Variants in ZMYM2 observed in about 807,000 individuals in gnomAD.
ZMYM2 encodes zinc finger MYM-type protein 2.
In ZMYM2, 56 loss-of-function variants were observed where a neutral mutation model predicts 162.8. The observed-to-expected ratio is 0.34, with a 90% CI of 0.28 to 0.43. The LOEUF is 0.43. ZMYM2 is among the 20% of genes least tolerant of loss of function. The probability of loss-of-function intolerance (pLI) is 1.00; values close to 1 mark genes in which losing one functional copy is unlikely to be tolerated. For missense variants in ZMYM2, 1,275 were observed against 1,621.8 expected, an observed-to-expected ratio of 0.79 and a Z score of 3.67; for synonymous variants, 510 against 541.6, an observed-to-expected ratio of 0.94 and a Z score of 0.81.
the ZMYM2 span, among the ~76,000 whole-genome samples, chr13:19,885,800 T>C: frequency 0.014 from 2,056 of 147,288 alleles, 52 homozygotes; most frequent in African/African-American, 0.05. Flanking sequence ...TGAGAAGAGA[T>C]AGCAATACTG....
chr13:20,011,158 A>G (rs1228606776), intron 6 of ZMYM2, among the ~76,000 whole-genome samples: 1 of 152,206 alleles, frequency 6.6e-6, no homozygotes, highest in Admixed American at 6.5e-5. Context: ...CTATAGTGCT[A>G]TGGAACAATA....
the ZMYM2 span, among the ~76,000 whole-genome samples, chr13:19,889,034 C>T: frequency 1.3e-5 from 2 of 151,916 alleles, no homozygotes; most frequent in East Asian, 1.9e-4. Context: ...ATAGGGCATC[C>T]TACTTTCTGA....
chr13:19,959,054 C>T (rs1322773285), intron 1 of ZMYM2, among the ~76,000 whole-genome samples: 1 of 151,746 alleles, frequency 6.6e-6, no homozygotes. Flanking sequence ...TCGGGGGCAG[C>T]TCGGGGCTGC....
Position 20,012,239 on chromosome 13 carries a change from G to A in ZMYM2, c.1512+5653G>A, listed in dbSNP as rs77805932. ...AGCCCAGGCTGGAGTGCGGTAGTGC[G>A]ATCTCAGCTCACTGCAGCCTCCGCC... On this transcript the variant is annotated intron_variant, in intron 6 of 24. Coordinates refer to ENST00000610343, the MANE Select transcript of ZMYM2 (RefSeq NM_197968.4). Among the ~76,000 whole-genome samples, 797 of 152,062 alleles carry A rather than the reference G, an allele frequency of 5.2e-3. 2 individuals carry two copies. The highest frequency in any genetic ancestry group is 7.8e-3 in the Non-Finnish European group (533 of 67,968).
chr13:20,008,880 G>A (rs1376083229), intron 6 of ZMYM2, among the ~76,000 whole-genome samples: 4 of 151,748 alleles, frequency 2.6e-5, no homozygotes, highest in African/African-American at 9.7e-5. Context: ...CCTGGAAAAA[G>A]AAAAATAAAC....
At chr13:19,950,532 C>CA in the ZMYM2 span, among the ~76,000 whole-genome samples, 1 of 152,174 alleles carries the variant, frequency 6.6e-6, no homozygotes, top group Non-Finnish European at 1.5e-5. Flanking sequence ...TCAAATAAGG[C>CA]AAACGCTAAG....
rs770374428 is a variant in ZMYM2, at chr13:20,059,528, A to G, written c.2705A>G (p.Gln902Arg). Residue 902 changes from glutamine to arginine, a missense_variant, in exon 16 of 25, where the codon CAG (glutamine) becomes CGG (arginine). This residue lies in a region of ZMYM2 where 5 missense variants were observed against 31.9 expected (regional missense o/e 0.16). Coordinates refer to ENST00000610343, the MANE Select transcript of ZMYM2 (RefSeq NM_197968.4). ...CCAGTTCCTATGCACATGTACAGTCAGAATATTCCTGTTCCTACTACAGTT... is the reference window on the plus strand; with the variant it reads ...CCAGTTCCTATGCACATGTACAGTCGGAATATTCCTGTTCCTACTACAGTT... ...YIPVPMHMYS[Q>R]NIPVPTTVPV... The G allele has an allele frequency of 3.6e-6, 5 of 1,388,922 alleles. No homozygotes were observed. The highest frequency in any genetic ancestry group is 5.1e-6 in the Non-Finnish European group (5 of 974,854). 86.0% of individuals were successfully genotyped at this position (1,388,922 alleles called of 1,614,324 possible). A position where few individuals can be genotyped will look rare whatever the true frequency, so the allele number is the denominator to read the frequency against.
the ZMYM2 span, among the ~76,000 whole-genome samples, chr13:19,897,479 G>A: frequency 6.6e-6 from 1 of 152,002 alleles, no homozygotes. Context: ...GGCAGGCCAG[G>A]AGCAGGCAGC....
At chr13:19,905,266 G>T in the ZMYM2 span, among the ~76,000 whole-genome samples, 1 of 152,086 alleles carries the variant, frequency 6.6e-6, no homozygotes, top group African/African-American at 2.4e-5. Context: ...GCCCAACTCG[G>T]CCTCCCAAAA....
chr13:20,025,681 T>C (rs1368991232), intron 7 of ZMYM2: 1 of 152,422 alleles, frequency 6.6e-6, no homozygotes, highest in East Asian at 1.9e-4. Context: ...TAGTCATTCA[T>C]TGCTTAATGA....
Position 19,993,812 on chromosome 13 carries a change from C to A in ZMYM2, c.740C>A (p.Ser247Tyr), listed in dbSNP as rs775904710. 1.2e-6 allele frequency: 2 copies of A among 1,614,172 alleles called. No individual in the cohort carries two copies. Among genetic ancestry groups the A allele is most frequent in the Admixed American group, 1.7e-5 (1 of 60,024 alleles). Residue 247 changes from serine to tyrosine, a missense_variant, in exon 3 of 25, where the codon TCT becomes TAT. Physicochemically the swap from Ser to Tyr is moderately radical, Grantham distance 144 (BLOSUM62 -2). Around this residue, in one of 10 missense-constraint regions of ZMYM2, gnomAD observed 115 missense variants for 175.3 expected, o/e 0.66. Coordinates refer to ENST00000610343, the MANE Select transcript of ZMYM2 (RefSeq NM_197968.4). ...GTTAATATACAAACATACACCCCAT[C>A]TTTAACTTCACAGACCAAGACTGGA... ...FGVNIQTYTPSLTSQTKTGVG... is the reference protein window; with the variant it reads ...FGVNIQTYTPYLTSQTKTGVG...
chr13:20,013,509 G>A (rs1339840323), intron 6 of ZMYM2, among the ~76,000 whole-genome samples: 1 of 152,200 alleles, frequency 6.6e-6, no homozygotes, highest in Non-Finnish European at 1.5e-5. Flanking sequence ...CGTCCTTGTT[G>A]CTGATCTTAG....
chr13:20,011,821 C>T (rs1440192536), intron 6 of ZMYM2, among the ~76,000 whole-genome samples: 1 of 151,388 alleles, frequency 6.6e-6, no homozygotes, highest in Non-Finnish European at 1.5e-5. Context: ...ACAGTCTCTG[C>T]TCATGCAACC....
intron 15 of ZMYM2, 141 bp from the exon 16 acceptor site, chr13:20,059,306 A>T: frequency 1.3e-6 from 1 of 770,350 alleles, no homozygotes; most frequent in Non-Finnish European, 1.9e-6. Context: ...TTTTTAAGTT[A>T]CCTAACTTAA....
chr13:20,017,565 C>G (rs1317555861), intron 6 of ZMYM2, among the ~76,000 whole-genome samples: 2 of 150,956 alleles, frequency 1.3e-5, no homozygotes, highest in African/African-American at 4.8e-5. Context: ...ACTTTTCTAA[C>G]TCTGTCCTCT....
the ZMYM2 span, among the ~76,000 whole-genome samples, chr13:19,938,386 AAC>A: frequency 4.6e-5 from 7 of 151,984 alleles, no homozygotes; most frequent in South Asian, 2.1e-4. Context: ...GTGCGCACCT[AAC>A]ACAGGAGGGT....
intron 21 of ZMYM2, among the ~76,000 whole-genome samples, chr13:20,081,259 A>G (rs1957887404): frequency 6.6e-6 from 1 of 152,188 alleles, no homozygotes; most frequent in African/African-American, 2.4e-5. Flanking sequence ...CATTCAAATA[A>G]TATTATATTA....
intron 6 of ZMYM2, among the ~76,000 whole-genome samples, chr13:20,013,766 T>C (rs921662467): frequency 2.0e-5 from 3 of 152,234 alleles, no homozygotes; most frequent in Admixed American, 6.5e-5. Flanking sequence ...CACACTTTTA[T>C]TGGGATAAAT....
intron 2 of ZMYM2, among the ~76,000 whole-genome samples, chr13:19,984,198 T>A (rs1948959679): frequency 6.6e-6 from 1 of 152,240 alleles, no homozygotes; most frequent in South Asian, 2.1e-4. Context: ...TAATATTTTC[T>A]TGATACAAAT....
Sources: allele counts gnomAD v4.1 joint callset (sites outside exome capture counted in the v4.1 genomes callset), GRCh38; gene constraint gnomAD v4.1.1; regional missense constraint gnomAD v4.1.1; transcripts MANE v1.5; gene names NCBI Gene and HGNC (gene_info 2026-07-23, HGNC 2026-07-21).